The following PRMT3 variants were observed in gnomAD, a reference collection of about 807,000 sequenced individuals.
The protein encoded by PRMT3 is protein arginine methyltransferase 3.
Under a neutral mutation model 71.9 loss-of-function variants are expected in PRMT3, and 62 were observed. The observed-to-expected ratio is 0.86, with a 90% CI of 0.70 to 1.07. The LOEUF is 1.07. PRMT3 is among the 50% of genes least tolerant of loss of function. The probability of loss-of-function intolerance (pLI) is 0.00; values close to 1 mark genes in which losing one functional copy is unlikely to be tolerated. For missense variants in PRMT3, 663 were observed against 643.0 expected, an observed-to-expected ratio of 1.03 and a Z score of -0.34; for synonymous variants, 213 against 220.4, an observed-to-expected ratio of 0.97 and a Z score of 0.30.
At chr11:20,391,751 G>A (rs187886431) in intron 3 of PRMT3, among the ~76,000 whole-genome samples, 3 of 152,220 alleles carry the variant, frequency 2.0e-5, no homozygotes, top group Admixed American at 2.0e-4. Context: ...AAAGATACGA[G>A]AACCAGATAA....
chr11:20,416,829 T>C (rs1026713280), intron 9 of PRMT3, among the ~76,000 whole-genome samples: 4 of 152,136 alleles, frequency 2.6e-5, no homozygotes, highest in Non-Finnish European at 5.9e-5. Context: ...GTAGTTCGTT[T>C]CTCATGGGAT....
intron 12 of PRMT3, 59 bp downstream of exon 12, chr11:20,462,226 A>T: frequency 7.5e-7 from 1 of 1,331,462 alleles, no homozygotes; most frequent in East Asian, 2.3e-5. Context: ...TTAGTTCAGC[A>T]TTTGAAAATA....
At position 20,434,117 on chromosome 11, in the gene PRMT3, C is replaced by G. The variant is rs548931093; in HGVS notation, c.993+7252C>G. Among the ~76,000 whole-genome samples the G allele has an allele frequency of 3.9e-5, 6 of 152,272 alleles. No homozygotes were observed. The South Asian group carries it at 1.2e-3, about 32-fold the overall frequency. The stretch of plus-strand genomic sequence containing the variant: ...CATTGTGATTTTGATGTTCATTTCT[C>G]TAATGATCAGTGATATTGAGCTTTT... On this transcript the variant is annotated intron_variant, in intron 10 of 15. Transcript: ENST00000331079.
At chr11:20,437,238 G>C (rs1034607055) in intron 10 of PRMT3, among the ~76,000 whole-genome samples, 6 of 151,014 alleles carry the variant, frequency 4.0e-5, no homozygotes, top group African/African-American at 1.5e-4. Context: ...TTGATCTTTT[G>C]TATTTTTTAA....
chr11:20,490,057 CTTTG>C (rs1334952643), intron 13 of PRMT3, among the ~76,000 whole-genome samples: 1 of 149,724 alleles, frequency 6.7e-6, no homozygotes, highest in Non-Finnish European at 1.5e-5. Flanking sequence ...CAGAAACTCC[CTTTG>C]TTTTTTTCAG....
intron 9 of PRMT3, among the ~76,000 whole-genome samples, chr11:20,420,305 A>C (rs571377885): frequency 1.3e-5 from 2 of 152,240 alleles, no homozygotes; most frequent in Admixed American, 1.3e-4. Flanking sequence ...AGTCTGATAA[A>C]ATTTAGTATC....
At chr11:20,410,331 CT>C (rs1849167153) in intron 9 of PRMT3, among the ~76,000 whole-genome samples, 1 of 151,832 alleles carries the variant, frequency 6.6e-6, no homozygotes, top group African/African-American at 2.4e-5. Context: ...ATTTTCAGTC[CT>C]TTTTTCATTG....
chr11:20,497,366 G>A (rs976765135), intron 15 of PRMT3, among the ~76,000 whole-genome samples: 19 of 152,296 alleles, frequency 1.2e-4, no homozygotes, highest in African/African-American at 4.3e-4. Flanking sequence ...TGTGGTGTAT[G>A]CATTTGTATC....
chr11:20,433,955 A>T (rs7122192), intron 10 of PRMT3, among the ~76,000 whole-genome samples: 1 of 151,982 alleles, frequency 6.6e-6, no homozygotes, highest in Admixed American at 6.6e-5. Flanking sequence ...AGGAATTACC[A>T]TACTGCTTTC....
rs11827938 is a variant in PRMT3, at chr11:20,442,543, G to A, written c.994-9587G>A. ...CTTATGCAAAAGTTAGCATATTCTA[G>A]ATATTGTTCTATACTTTGCTTTTAT... On this transcript the variant is annotated intron_variant, in intron 10 of 15. Coordinates refer to ENST00000331079, the MANE Select transcript of PRMT3 (RefSeq NM_005788.4). Among the ~76,000 whole-genome samples, 1,450 of 152,012 alleles carry A rather than the reference G, an allele frequency of 9.5e-3. 16 individuals are homozygous for A. The highest frequency in any genetic ancestry group is 0.034 in the African/African-American group (1,396 of 41,442).
intron 15 of PRMT3, among the ~76,000 whole-genome samples, chr11:20,497,223 CCTAA>C (rs1186586071): frequency 6.6e-6 from 1 of 152,110 alleles, no homozygotes; most frequent in Non-Finnish European, 1.5e-5. Context: ...GTTTTAAAAT[CCTAA>C]CTATTCTTTA....
At chr11:20,503,515 A>G (rs530647554) in intron 15 of PRMT3, among the ~76,000 whole-genome samples, 20 of 152,290 alleles carry the variant, frequency 1.3e-4, no homozygotes, top group African/African-American at 4.3e-4. Context: ...TCAGTCCCCA[A>G]CCGTGATTCC....
At chr11:20,487,377 A>G (rs143009278) in intron 13 of PRMT3, among the ~76,000 whole-genome samples, 53 of 152,354 alleles carry the variant, frequency 3.5e-4, no homozygotes, top group Middle Eastern at 3.4e-3. Flanking sequence ...TACGGCCATG[A>G]AAATGAATCA....
intron 7 of PRMT3, among the ~76,000 whole-genome samples, chr11:20,401,494 T>C (rs1848947713): frequency 6.6e-6 from 1 of 152,118 alleles, no homozygotes; most frequent in Non-Finnish European, 1.5e-5. Flanking sequence ...CCTTTTTAGG[T>C]CTAGTACTTA....
intron 9 of PRMT3, among the ~76,000 whole-genome samples, chr11:20,421,562 T>C (rs982545412): frequency 6.6e-6 from 1 of 152,218 alleles, no homozygotes; most frequent in African/African-American, 2.4e-5. Context: ...CAATCACTTA[T>C]GCAAAGAATA....
chr11:20,422,461 C>T (rs1433828153), intron 9 of PRMT3, among the ~76,000 whole-genome samples: 1 of 152,144 alleles, frequency 6.6e-6, no homozygotes. Context: ...AGGAAAAACT[C>T]TCTCTTGCCA....
Position 20,388,241 on chromosome 11 carries a change from C to G in PRMT3, c.164+87C>G, listed in dbSNP as rs1366193056. 4 of 1,576,350 alleles carry G rather than the reference C, an allele frequency of 2.5e-6. No individual in the cohort carries two copies. In the East Asian group the frequency reaches 6.8e-5, roughly 27 times the overall value. On this transcript the variant is annotated intron_variant, in intron 2 of 15. Coordinates refer to ENST00000331079, the MANE Select transcript of PRMT3 (RefSeq NM_005788.4). Reference sequence around the variant, plus strand: ...CCCAGGAACGCCTTCGGGCGGGAGGCAAGCCAGAGTGGCCTGTCTTTGAAT... The same window carrying G: ...CCCAGGAACGCCTTCGGGCGGGAGGGAAGCCAGAGTGGCCTGTCTTTGAAT...
At chr11:20,500,207 ATG>A (rs1199688663) in intron 15 of PRMT3, among the ~76,000 whole-genome samples, 10 of 152,238 alleles carry the variant, frequency 6.6e-5, no homozygotes, top group African/African-American at 2.4e-4. Flanking sequence ...AACAAAATAT[ATG>A]CAAAACTTGT....
At chr11:20,491,636 T>C (rs1424792575) in intron 13 of PRMT3, among the ~76,000 whole-genome samples, 1 of 152,182 alleles carries the variant, frequency 6.6e-6, no homozygotes, top group Non-Finnish European at 1.5e-5. Context: ...TACAGATTTT[T>C]CCAATCTCAC....
Sources: gnomAD v4.1 joint callset for allele counts (sites outside exome capture counted in the v4.1 genomes callset) on GRCh38, gnomAD v4.1.1 for gene constraint, MANE v1.5 for transcripts, NCBI Gene and HGNC (gene_info 2026-07-23, HGNC 2026-07-21) for gene names.